Variants in BMPR2 observed in about 807,000 individuals in gnomAD.
The protein encoded by BMPR2 is bone morphogenetic protein receptor type 2.
In BMPR2, 29 loss-of-function variants were observed where a neutral mutation model predicts 100.8. The observed-to-expected ratio is 0.29, with a 90% CI of 0.21 to 0.39. BMPR2 has a LOEUF of 0.39. Ranked by LOEUF, BMPR2 falls within the 10% of genes least tolerant of loss-of-function variation. The probability of loss-of-function intolerance (pLI) is 1.00; values close to 1 mark genes in which losing one functional copy is unlikely to be tolerated. For missense variants in BMPR2, 1,011 were observed against 1,274.5 expected (o/e 0.79, Z 3.15); for synonymous variants, 382 against 442.3 (o/e 0.86, Z 1.71).
intron 1 of BMPR2, among the ~76,000 whole-genome samples, chr2:202,417,876 G>A (rs1018633330): frequency 1.3e-5 from 2 of 151,772 alleles, no homozygotes; most frequent in African/African-American, 4.8e-5. Context: ...CCGCCACCAC[G>A]CCCGGCTAAT....
At chr2:202,437,039 G>A (rs986735038) in intron 1 of BMPR2, among the ~76,000 whole-genome samples, 3 of 149,948 alleles carry the variant, frequency 2.0e-5, no homozygotes, top group Non-Finnish European at 2.9e-5. Context: ...ATGGAGTCTC[G>A]CTTGGTCCGA....
chr2:202,531,781 A>G (rs1426117674), intron 8 of BMPR2, among the ~76,000 whole-genome samples: 1 of 151,924 alleles, frequency 6.6e-6, no homozygotes, highest in Non-Finnish European at 1.5e-5. Flanking sequence ...ATAGGCATGT[A>G]CCACCATGTC....
Position 202,396,955 on chromosome 2 carries a change from G to A in BMPR2, c.76+19405G>A, listed in dbSNP as rs750111285. The stretch of plus-strand genomic sequence containing the variant: ...TGGGATTACAGTCATGCGCCACCAC[G>A]CCTGGTTAATTTTGTATTTTTAGTA... On this transcript the variant is annotated intron_variant, in intron 1 of 12. Transcript: ENST00000374580. Among the ~76,000 whole-genome samples, 5 of 151,880 alleles carry A rather than the reference G, an allele frequency of 3.3e-5. 1 individual carries two copies. In the South Asian group the frequency reaches 6.2e-4, roughly 19 times the overall value.
chr2:202,421,877 A>G (rs1691270011), intron 1 of BMPR2, among the ~76,000 whole-genome samples: 1 of 152,142 alleles, frequency 6.6e-6, no homozygotes, highest in African/African-American at 2.4e-5. Flanking sequence ...TGTAGAGTAA[A>G]TAACATGTAA....
At chr2:202,522,654 AC>A (rs1209503646) in intron 7 of BMPR2, among the ~76,000 whole-genome samples, 2 of 151,900 alleles carry the variant, frequency 1.3e-5, no homozygotes, top group Non-Finnish European at 2.9e-5. Flanking sequence ...ACATAGTCAG[AC>A]CCCCATCTCT....
At chr2:202,413,750 C>T (rs1474643566) in intron 1 of BMPR2, among the ~76,000 whole-genome samples, 2 of 151,936 alleles carry the variant, frequency 1.3e-5, no homozygotes, top group Admixed American at 1.3e-4. Flanking sequence ...CTGCAACCTC[C>T]ACCTCCCGTG....
chr2:202,401,043 A>C (rs1340918594), intron 1 of BMPR2, among the ~76,000 whole-genome samples: 1 of 152,240 alleles, frequency 6.6e-6, no homozygotes, highest in African/African-American at 2.4e-5. Context: ...AAAGGGCATA[A>C]AATGGAAAGA....
chr2:202,551,011 C>CA lies in BMPR2; in HGVS notation c.1414-1703dup, dbSNP rs954175095. On this transcript the variant is annotated intron_variant, in intron 10 of 12. Transcript: ENST00000374580. ...TTGCTCTGTCGCCCAGGCTGGAGTG[C>CA]AATGGCGCGATCTCGGCTCACTCCA... Among the ~76,000 whole-genome samples, 51 of 123,370 alleles carry CA rather than the reference C, an allele frequency of 4.1e-4. 1 individual carries two copies. The Admixed American group carries it at 5.1e-3, about 12-fold the overall frequency. 80.9% of individuals were successfully genotyped at this position (123,370 alleles called of 152,430 possible).
chr2:202,420,303 T>G (rs1367657315), intron 1 of BMPR2, among the ~76,000 whole-genome samples: 1 of 151,942 alleles, frequency 6.6e-6, no homozygotes, highest in Non-Finnish European at 1.5e-5. Flanking sequence ...AATTACAAAA[T>G]TAAACTTGAG....
At chr2:202,457,148 A>G (rs1692126394) in intron 1 of BMPR2, among the ~76,000 whole-genome samples, 1 of 152,074 alleles carries the variant, frequency 6.6e-6, no homozygotes, top group Admixed American at 6.6e-5. Context: ...CTACCTATCA[A>G]TCATCTGTCT....
At chr2:202,475,052 G>A (rs528655433) in intron 3 of BMPR2, 7 of 151,978 alleles carry the variant, frequency 4.6e-5, no homozygotes, top group Non-Finnish European at 1.5e-5. Flanking sequence ...TTATTTTTGC[G>A]TAGCTGTATT....
intron 1 of BMPR2, among the ~76,000 whole-genome samples, chr2:202,459,412 G>T (rs1272485294): frequency 6.6e-6 from 1 of 152,156 alleles, no homozygotes; most frequent in Non-Finnish European, 1.5e-5. Context: ...ATGGGGGTTT[G>T]TTGTACAGAT....
chr2:202,534,768 CTGTTGGGCACACCTCCCAGA>C (rs1688098137), intron 9 of BMPR2, among the ~76,000 whole-genome samples: 2 of 152,160 alleles, frequency 1.3e-5, no homozygotes, highest in Non-Finnish European at 2.9e-5. Flanking sequence ...TCTCAATGAG[CTGTTGGGCACACCTCCCAGA>C]CGGGGTGGTG....
At chr2:202,553,341 CTCTT>C (rs991541517) in intron 11 of BMPR2, among the ~76,000 whole-genome samples, 1 of 152,052 alleles carries the variant, frequency 6.6e-6, no homozygotes, top group African/African-American at 2.4e-5. Flanking sequence ...CTATCTAATG[CTCTT>C]TCTTATAGAA....
rs560782986 is a variant in BMPR2 at position 202,484,524 on chromosome 2, A to C, written c.418+16835A>C. ...GCTGTCTCTACTAAAAATACAAAAAATTAGCGGGCTTGGTGGCAGGCGCCT... is the reference window on the plus strand; with the variant it reads ...GCTGTCTCTACTAAAAATACAAAAACTTAGCGGGCTTGGTGGCAGGCGCCT... On this transcript the variant is annotated intron_variant, in intron 3 of 12. Transcript: ENST00000374580. 5.9e-4 allele frequency among the ~76,000 whole-genome samples: 89 copies of C among 151,348 alleles called. 1 individual carries two copies. Among genetic ancestry groups the C allele is most frequent in the African/African-American group, 2.0e-3 (81 of 41,164 alleles).
chr2:202,555,711 T>A lies in BMPR2; in HGVS notation c.2046T>A (p.Asp682Glu). 1 of 1,614,138 alleles carries A rather than the reference T, an allele frequency of 6.2e-7. No homozygotes were observed. ...EVDKNLKESS[D>E]ENLMEHSLKQ... ...ATAAGAACCTCAAGGAAAGCTCTGA[T>A]GAGAATCTCATGGAGCACTCTCTTA... Residue 682 changes from aspartate (D) to glutamate (E), a missense_variant, in exon 12 of 13, where the codon GAT becomes GAA. Physicochemically the swap from Asp to Glu is conservative, Grantham distance 45 (BLOSUM62 2). Around this residue, in one of 6 missense-constraint regions of BMPR2, gnomAD observed 508 missense variants for 552.0 expected, o/e 0.92. Transcript: ENST00000374580.
At chr2:202,448,175 C>T (rs972875946) in intron 1 of BMPR2, among the ~76,000 whole-genome samples, 5 of 150,406 alleles carry the variant, frequency 3.3e-5, no homozygotes, top group South Asian at 4.2e-4. Context: ...GTTGGCCAGG[C>T]GCGGTGGCTC....
chr2:202,398,837 G>A (rs1055007487), intron 1 of BMPR2, among the ~76,000 whole-genome samples: 1 of 152,078 alleles, frequency 6.6e-6, no homozygotes, highest in Non-Finnish European at 1.5e-5. Flanking sequence ...TTGTTAAGAA[G>A]ACAGATCATA....
rs542802661 is a variant in BMPR2, at chr2:202,404,514, A to G, written c.76+26964A>G. 2.4e-4 allele frequency among the ~76,000 whole-genome samples: 36 copies of G among 152,230 alleles called. 1 individual carries two copies. The South Asian group carries it at 7.3e-3, about 31-fold the overall frequency. On this transcript the variant is annotated intron_variant, in intron 1 of 12. Coordinates refer to ENST00000374580, the MANE Select transcript of BMPR2 (RefSeq NM_001204.7). ...CCTGGCCTAAAATTTGTCTTTTGCT[A>G]GGTATATGGATTTGTAGATGAGTGT...
Sources: allele counts gnomAD v4.1 joint callset (sites outside exome capture counted in the v4.1 genomes callset), GRCh38; gene constraint gnomAD v4.1.1; regional missense constraint gnomAD v4.1.1; transcripts MANE v1.5; gene names NCBI Gene and HGNC (gene_info 2026-07-23, HGNC 2026-07-21).